The following SAMD5 variants were observed in gnomAD, a reference collection of about 807,000 sequenced individuals.
SAMD5 encodes the protein sterile alpha motif domain-containing protein 5.
A neutral mutation model predicts 11.3 loss-of-function variants in SAMD5; 13 were observed. That is an observed-to-expected ratio of 1.15 (90% CI 0.75 to 1.83). The LOEUF (loss-of-function observed/expected upper bound fraction) is 1.83, where lower values mean the gene tolerates loss of function less well. Among genes scored for constraint, SAMD5 ranks in the 40% most tolerant of loss-of-function variants. SAMD5 has a pLI of 0.00. For synonymous variants in SAMD5, 129 were observed against 111.3 expected (o/e 1.16, Z -1.00); for missense variants, 255 against 239.1 (o/e 1.07, Z -0.44).
intron 1 of SAMD5, among the ~76,000 whole-genome samples, chr6:147,659,076 T>G (rs1157053317): frequency 6.6e-6 from 1 of 152,200 alleles, no homozygotes; most frequent in Non-Finnish European, 1.5e-5. Context: ...CAGAAAACAC[T>G]GCAGATTATG....
chr6:147,601,254 C>T (rs1324476473), intron 1 of SAMD5, among the ~76,000 whole-genome samples: 5 of 152,092 alleles, frequency 3.3e-5, no homozygotes, highest in Non-Finnish European at 7.4e-5. Flanking sequence ...ATAAGCAAAT[C>T]ACAAAATCCA....
At chr6:147,601,213 C>T (rs1246776927) in intron 1 of SAMD5, among the ~76,000 whole-genome samples, 2 of 152,142 alleles carry the variant, frequency 1.3e-5, no homozygotes, top group Non-Finnish European at 2.9e-5. Flanking sequence ...AGCAACTTGG[C>T]AGCAGTTCAT....
intron 1 of SAMD5, among the ~76,000 whole-genome samples, chr6:147,513,972 T>C (rs1788127613): frequency 6.6e-6 from 1 of 151,978 alleles, no homozygotes. Flanking sequence ...GAAACCAAGT[T>C]TGATGAGATG....
the SAMD5 span, among the ~76,000 whole-genome samples, chr6:147,821,886 G>A: frequency 6.6e-6 from 1 of 152,104 alleles, no homozygotes; most frequent in Non-Finnish European, 1.5e-5. Flanking sequence ...AGTCTGTTCA[G>A]GTATTTTATA....
chr6:147,629,069 T>C (rs1790100975), intron 1 of SAMD5, among the ~76,000 whole-genome samples: 1 of 152,108 alleles, frequency 6.6e-6, no homozygotes, highest in Admixed American at 6.5e-5. Context: ...GGTGGGAGGA[T>C]CACCTGAGGT....
chr6:147,724,740 GA>G (rs928849841), intron 1 of SAMD5, among the ~76,000 whole-genome samples: 1 of 151,482 alleles, frequency 6.6e-6, no homozygotes, highest in East Asian at 1.9e-4. Context: ...TTGCAGTGTT[GA>G]AAAAAAATCA....
chr6:147,790,796 CT>C, the SAMD5 span, among the ~76,000 whole-genome samples: 1 of 111,458 alleles, frequency 9.0e-6, no homozygotes, highest in Non-Finnish European at 1.8e-5. Flanking sequence ...CTCTCTCTCT[CT>C]CTCTCTCTCT....
the SAMD5 span, among the ~76,000 whole-genome samples, chr6:147,918,620 C>G: frequency 5.5e-4 from 84 of 151,650 alleles, 1 homozygote; most frequent in Admixed American, 2.8e-3. Flanking sequence ...CCAAAATCTC[C>G]TTAAGCTGAT....
Position 147,509,247 on chromosome 6 carries a change from C to G in SAMD5, c.319C>G (p.Arg107Gly), listed in dbSNP as rs1455982665. 1 of 1,509,754 alleles carries G rather than the reference C, an allele frequency of 6.6e-7. No homozygotes were observed. Among genetic ancestry groups the G allele is most frequent in the Non-Finnish European group, 8.8e-7 (1 of 1,130,794 alleles). 93.5% of individuals were successfully genotyped at this position (1,509,754 alleles called of 1,614,324 possible). Residue 107 changes from arginine to glycine, a missense_variant, in exon 1 of 2, where the codon CGC becomes GGC. Transcript: ENST00000367474. ...EPCGGPAQGT[R>G]GDSRGHTTAP... ...GTGCGGCGGCCCGGCCCAGGGCACCCGCGGGGACTCTCGCGGCCACACGAC... is the reference window on the plus strand; with the variant it reads ...GTGCGGCGGCCCGGCCCAGGGCACCGGCGGGGACTCTCGCGGCCACACGAC...
At chr6:147,674,273 G>C (rs1029004668) in intron 1 of SAMD5, among the ~76,000 whole-genome samples, 1 of 152,088 alleles carries the variant, frequency 6.6e-6, no homozygotes, top group Non-Finnish European at 1.5e-5. Context: ...GGGTGGAGGG[G>C]GCTGCTGGTC....
At chr6:147,953,451 C>T in the SAMD5 span, 4 of 152,138 alleles carry the variant, frequency 2.6e-5, no homozygotes, top group South Asian at 2.1e-4. Context: ...TCTTAGCATC[C>T]AGCCTAGTGT....
At chr6:147,859,289 G>A in the SAMD5 span, among the ~76,000 whole-genome samples, 1 of 152,102 alleles carries the variant, frequency 6.6e-6, no homozygotes, top group Admixed American at 6.5e-5. Flanking sequence ...GAATTTTCTG[G>A]CTTACTTTCT....
At chr6:147,746,312 G>A in the SAMD5 span, among the ~76,000 whole-genome samples, 26 of 152,262 alleles carry the variant, frequency 1.7e-4, no homozygotes, top group Middle Eastern at 0.014. Flanking sequence ...GACTCCCTGA[G>A]GCCTTGGTGT....
chr6:147,894,227 G>A, the SAMD5 span, among the ~76,000 whole-genome samples: 1 of 151,440 alleles, frequency 6.6e-6, no homozygotes, highest in Admixed American at 6.6e-5. Flanking sequence ...AGGTTCAAGT[G>A]ATTCTCCTGC....
chr6:147,707,257 G>A lies in SAMD5; in HGVS notation c.163-30060G>A, dbSNP rs115446774. ...CAGCTAATTTTTATGTTTTAATATA[G>A]AACCAAACTTTCAGAAGAGTTGATG... On this transcript the variant is annotated intron_variant, in intron 1 of 1. Transcript: ENST00000566741. 6.3e-3 allele frequency among the ~76,000 whole-genome samples: 964 copies of A among 152,264 alleles called. 12 individuals carry two copies. The highest frequency in any genetic ancestry group is 0.022 in the African/African-American group (917 of 41,546).
intron 1 of SAMD5, among the ~76,000 whole-genome samples, chr6:147,627,829 A>C (rs1230945156): frequency 3.9e-5 from 6 of 152,222 alleles, no homozygotes; most frequent in African/African-American, 1.4e-4. Flanking sequence ...CAGTGGCAAA[A>C]ATGAAACTTT....
intron 1 of SAMD5, among the ~76,000 whole-genome samples, chr6:147,719,327 C>G (rs1791514047): frequency 6.6e-6 from 1 of 152,098 alleles, no homozygotes; most frequent in South Asian, 2.1e-4. Flanking sequence ...GGGCTTTTCC[C>G]TGGAGTGCCT....
the SAMD5 span, among the ~76,000 whole-genome samples, chr6:147,843,060 A>C: frequency 6.6e-6 from 1 of 152,150 alleles, no homozygotes; most frequent in South Asian, 2.1e-4. Flanking sequence ...GGGTTTCACC[A>C]TGTTGGTTAG....
chr6:147,509,571 C>T (rs1355372781), intron 1 of SAMD5, among the ~76,000 whole-genome samples, 184 bp downstream of exon 1: 2 of 152,078 alleles, frequency 1.3e-5, no homozygotes, highest in Admixed American at 1.3e-4. Context: ...CCTGGTGTCT[C>T]CAGTGGTTGG....
Sources: gnomAD v4.1 joint callset for allele counts (sites outside exome capture counted in the v4.1 genomes callset) on GRCh38, gnomAD v4.1.1 for gene constraint, MANE v1.5 for transcripts, NCBI Gene and HGNC (gene_info 2026-07-23, HGNC 2026-07-21) for gene names.